The following KCNMA1 variants were observed in gnomAD, a reference collection of about 807,000 sequenced individuals.
KCNMA1 encodes the protein Calcium-activated potassium channel subunit alpha-1.
In KCNMA1, 29 loss-of-function variants were observed where a neutral mutation model predicts 140.0. That is an observed-to-expected ratio of 0.21 (90% CI 0.15 to 0.28). The LOEUF (loss-of-function observed/expected upper bound fraction) is 0.28. KCNMA1 is among the 10% of genes least tolerant of loss of function. KCNMA1 has a pLI of 1.00. For missense variants in KCNMA1, 880 were observed against 1,602.2 expected, an observed-to-expected ratio of 0.55 and a Z score of 7.70; for synonymous variants, 612 against 611.9, an observed-to-expected ratio of 1.00 and a Z score of 0.00.
intron 2 of KCNMA1, 75 bp downstream of exon 2, chr10:77,403,787 A>G: frequency 6.9e-7 from 1 of 1,446,620 alleles, no homozygotes; most frequent in Non-Finnish European, 9.5e-7. Context: ...CCTGGGGAAT[A>G]TCACGTCTCA....
At chr10:77,214,406 G>A (rs144531383) in intron 3 of KCNMA1, among the ~76,000 whole-genome samples, 268 of 152,072 alleles carry the variant, frequency 1.8e-3, no homozygotes, top group Admixed American at 0.015. Flanking sequence ...ACTTACAGGC[G>A]CCCAGCACAT....
chr10:76,924,730 C>T (rs1383558196), intron 23 of KCNMA1, among the ~76,000 whole-genome samples: 2 of 130,926 alleles, frequency 1.5e-5, no homozygotes, highest in East Asian at 4.8e-4. Flanking sequence ...AGAACAGGGC[C>T]CAGAGAGAGT....
chr10:77,395,093 T>C (rs1386876044), intron 2 of KCNMA1, among the ~76,000 whole-genome samples: 1 of 152,152 alleles, frequency 6.6e-6, no homozygotes, highest in Non-Finnish European at 1.5e-5. Context: ...ACATCTGTAA[T>C]CCCAGCACTT....
chr10:77,618,296 CTT>C (rs1434341737), intron 1 of KCNMA1, among the ~76,000 whole-genome samples: 2 of 152,174 alleles, frequency 1.3e-5, no homozygotes, highest in Admixed American at 6.5e-5. Flanking sequence ...ATGTTGACCT[CTT>C]GTTACAGAGG....
chr10:77,455,150 G>C (rs1379449730), intron 1 of KCNMA1, among the ~76,000 whole-genome samples: 2 of 152,128 alleles, frequency 1.3e-5, no homozygotes, highest in African/African-American at 4.8e-5. Flanking sequence ...TATTTACTGA[G>C]TACCTACCAT....
intron 2 of KCNMA1, among the ~76,000 whole-genome samples, chr10:77,306,379 G>A (rs1024695089): frequency 5.3e-5 from 8 of 152,212 alleles, no homozygotes; most frequent in African/African-American, 1.7e-4. Flanking sequence ...TGATGCCCAA[G>A]AAGGATGAGT....
intron 2 of KCNMA1, among the ~76,000 whole-genome samples, chr10:77,281,198 C>A (rs900589912): frequency 3.9e-5 from 6 of 152,296 alleles, no homozygotes; most frequent in African/African-American, 1.4e-4. Context: ...TTAACTGGAT[C>A]CAGGACCTGA....
intron 2 of KCNMA1, among the ~76,000 whole-genome samples, chr10:77,330,033 C>T (rs150028403): frequency 4.6e-5 from 7 of 152,292 alleles, no homozygotes; most frequent in East Asian, 1.9e-4. Flanking sequence ...CCAAATTAGA[C>T]GTAACCACAT....
intron 8 of KCNMA1, among the ~76,000 whole-genome samples, chr10:77,109,182 C>T (rs2097261554): frequency 6.6e-6 from 1 of 152,078 alleles, no homozygotes; most frequent in African/African-American, 2.4e-5. Flanking sequence ...CTGTGGCTGG[C>T]TGGATGGGTC....
chr10:77,587,847 C>A, intron 1 of KCNMA1: 6 of 985,350 alleles, frequency 6.1e-6, no homozygotes, highest in Non-Finnish European at 7.2e-6. Context: ...TCTCACGGCC[C>A]CAGTCTTCAG....
intron 2 of KCNMA1, among the ~76,000 whole-genome samples, chr10:77,255,307 T>G (rs2060489209): frequency 6.6e-6 from 1 of 151,772 alleles, no homozygotes; most frequent in Admixed American, 6.6e-5. Flanking sequence ...CACGGTGTAT[T>G]TTTTTTTAAG....
intron 1 of KCNMA1, among the ~76,000 whole-genome samples, chr10:77,620,492 C>T (rs1365500710): frequency 6.6e-6 from 1 of 152,226 alleles, no homozygotes; most frequent in Non-Finnish European, 1.5e-5. Context: ...TACACATGAG[C>T]TGGCACTGAG....
intron 1 of KCNMA1, among the ~76,000 whole-genome samples, chr10:77,525,952 G>A (rs2055433972): frequency 1.3e-5 from 2 of 152,152 alleles, no homozygotes; most frequent in Admixed American, 1.3e-4. Context: ...CAGGCAAGTG[G>A]CCTGGTTTTG....
chr10:77,397,314 T>C (rs1048800806), intron 2 of KCNMA1, among the ~76,000 whole-genome samples: 11 of 152,180 alleles, frequency 7.2e-5, no homozygotes, highest in Admixed American at 2.0e-4. Flanking sequence ...CAAACTATGG[T>C]GTGTGAAACA....
chr10:77,253,272 AT>A (rs1229554617), intron 2 of KCNMA1, among the ~76,000 whole-genome samples: 2 of 152,202 alleles, frequency 1.3e-5, no homozygotes, highest in African/African-American at 4.8e-5. Context: ...ATCCCTGTCC[AT>A]TTGGCTCCCT....
At chr10:76,963,552 C>A (rs996530655) in intron 20 of KCNMA1, among the ~76,000 whole-genome samples, 1 of 152,136 alleles carries the variant, frequency 6.6e-6, no homozygotes, top group African/African-American at 2.4e-5. Flanking sequence ...TACAGCTAGA[C>A]AAGAGGGTGC....
chr10:77,146,698 T>A, intron 5 of KCNMA1, among the ~76,000 whole-genome samples: 1 of 34,710 alleles, frequency 2.9e-5, no homozygotes, highest in African/African-American at 1.2e-4. Flanking sequence ...CAAGACTTCA[T>A]CTCAAAAAAA....
chr10:77,287,237 A>G (rs1057507876), intron 2 of KCNMA1, among the ~76,000 whole-genome samples: 10 of 152,248 alleles, frequency 6.6e-5, no homozygotes, highest in Admixed American at 2.0e-4. Context: ...CCCTTGTCTG[A>G]AAATACAAGC....
At chr10:77,045,548 C>A (rs564704655) in intron 14 of KCNMA1, among the ~76,000 whole-genome samples, 3 of 152,228 alleles carry the variant, frequency 2.0e-5, no homozygotes, top group African/African-American at 7.2e-5. Context: ...ACCTCCCAAG[C>A]AAATGGTTTC....
Sources: allele counts gnomAD v4.1 joint callset (sites outside exome capture counted in the v4.1 genomes callset), GRCh38; gene constraint gnomAD v4.1.1; transcripts MANE v1.5; gene names NCBI Gene and HGNC (gene_info 2026-07-23, HGNC 2026-07-21).